Variants in RIMKLB observed in about 807,000 individuals in gnomAD.
RIMKLB encodes the protein beta-citrylglutamate synthase B.
RIMKLB carries 7 observed loss-of-function variants against 32.0 expected under a neutral mutation model. That is an observed-to-expected ratio of 0.22 (90% confidence interval 0.12 to 0.41). RIMKLB has a LOEUF of 0.41. Ranked by LOEUF, RIMKLB falls within the 10% of genes least tolerant of loss-of-function variation. RIMKLB has a pLI of 1.00. For missense variants in RIMKLB, 289 were observed against 498.7 expected, an observed-to-expected ratio of 0.58 and a Z score of 4.00; for synonymous variants, 172 against 185.1, an observed-to-expected ratio of 0.93 and a Z score of 0.57.
At chr12:8,723,895 A>C (rs1945725706) in intron 2 of RIMKLB, among the ~76,000 whole-genome samples, 1 of 144,516 alleles carries the variant, frequency 6.9e-6, no homozygotes. Flanking sequence ...GCTCACTGCA[A>C]CCTCTTGCCT....
At chr12:8,782,156 C>G (rs1311081290), downstream of RIMKLB, among the ~76,000 whole-genome samples, 6 of 151,774 alleles carry the variant, frequency 4.0e-5, no homozygotes, top group Admixed American at 2.0e-4. Flanking sequence ...GAGTTTTAAT[C>G]TGAATCAAAA....
intron 2 of RIMKLB, among the ~76,000 whole-genome samples, chr12:8,714,657 G>C (rs1245311149): frequency 6.6e-6 from 1 of 152,030 alleles, no homozygotes; most frequent in African/African-American, 2.4e-5. Flanking sequence ...TTTGTTTTGG[G>C]ATTGTAGGGG....
At chr12:8,719,990 G>A (rs1290452444) in intron 2 of RIMKLB, among the ~76,000 whole-genome samples, 1 of 152,154 alleles carries the variant, frequency 6.6e-6, no homozygotes, top group Non-Finnish European at 1.5e-5. Context: ...TTCATATTTG[G>A]GTTACTTGGG....
intron 2 of RIMKLB, among the ~76,000 whole-genome samples, chr12:8,717,165 A>G (rs2137017767): frequency 6.6e-6 from 1 of 151,500 alleles, no homozygotes; most frequent in African/African-American, 2.4e-5. Context: ...AGCCTCTTTC[A>G]CAGAATTAAG....
intron 2 of RIMKLB, among the ~76,000 whole-genome samples, chr12:8,737,390 T>C (rs1407667021): frequency 6.6e-6 from 1 of 152,122 alleles, no homozygotes; most frequent in Non-Finnish European, 1.5e-5. Context: ...GGTAAGAATA[T>C]CACATAAGTG....
chr12:8,680,047 T>A (rs576010885), upstream of RIMKLB, among the ~76,000 whole-genome samples: 26 of 152,304 alleles, frequency 1.7e-4, no homozygotes, highest in Admixed American at 1.3e-3. Context: ...GAGTGACCTC[T>A]GGTACTCCTC....
downstream of RIMKLB, chr12:8,777,246 TA>T (rs1322524799): frequency 3.2e-6 from 3 of 935,434 alleles, no homozygotes; most frequent in Admixed American, 6.5e-5. Flanking sequence ...TTTTTCTTCT[TA>T]AAAAAACAAA....
chr12:8,728,556 C>T (rs973801743), intron 2 of RIMKLB, among the ~76,000 whole-genome samples: 4 of 152,014 alleles, frequency 2.6e-5, no homozygotes, highest in Non-Finnish European at 5.9e-5. Flanking sequence ...TAGTAAAATC[C>T]CAGCAAGTTG....
upstream of RIMKLB, among the ~76,000 whole-genome samples, chr12:8,696,228 T>C (rs1942885584): frequency 6.6e-6 from 1 of 152,256 alleles, no homozygotes; most frequent in South Asian, 2.1e-4. Context: ...TTAGTATCTC[T>C]GTGCTCAAGC....
chr12:8,731,710 T>C (rs1177142029), intron 2 of RIMKLB, among the ~76,000 whole-genome samples: 1 of 152,222 alleles, frequency 6.6e-6, no homozygotes, highest in Non-Finnish European at 1.5e-5. Context: ...GCATCTTATA[T>C]ATGTAGAATA....
intron 2 of RIMKLB, among the ~76,000 whole-genome samples, chr12:8,717,631 C>T (rs962925766): frequency 6.6e-6 from 1 of 152,174 alleles, no homozygotes; most frequent in Non-Finnish European, 1.5e-5. Context: ...ATGTAAAAGG[C>T]TTGTCTGTTT....
chr12:8,723,982 A>AGTTTTGTTTTGTTTTGTTTT (rs75784732), intron 2 of RIMKLB, among the ~76,000 whole-genome samples: 47 of 150,938 alleles, frequency 3.1e-4, no homozygotes, highest in African/African-American at 1.1e-3. Context: ...TGCCTGGCTA[A>AGTTTTGTTTTGTTTTGTTTT]GTTTTGTTTT....
rs941784528 is a variant in RIMKLB, at chr12:8,774,956, A to G, written c.*1172A>G. The G allele has an allele frequency of 5.1e-6, 5 of 985,704 alleles. No individual in the cohort carries two copies. The Admixed American group carries it at 1.8e-4, about 36-fold the overall frequency. 61.1% of individuals were successfully genotyped at this position (985,704 alleles called of 1,614,324 possible). On this transcript the variant is annotated 3_prime_UTR_variant, in exon 6 of 6. Coordinates refer to ENST00000535829, the MANE Select transcript of RIMKLB (RefSeq NM_001297776.2). ...CTAATCAAAAAGGATAATTTAGAAA[A>G]TGGAGCATGATGGGAAACAGAGTTT... is the stretch of plus-strand genomic sequence containing the variant.
At chr12:8,781,170 A>G (rs1405279539), downstream of RIMKLB, among the ~76,000 whole-genome samples, 1 of 152,152 alleles carries the variant, frequency 6.6e-6, no homozygotes, top group Non-Finnish European at 1.5e-5. Context: ...GAGAAACCCC[A>G]TCTCTACTAA....
At chr12:8,781,284 G>GT (rs1265887360), downstream of RIMKLB, among the ~76,000 whole-genome samples, 2 of 152,230 alleles carry the variant, frequency 1.3e-5, no homozygotes, top group Admixed American at 6.5e-5. Context: ...AGAGGTTGCA[G>GT]TGAGTGGAGA....
At position 8,745,797 on chromosome 12, in the gene RIMKLB, T is replaced by G. The variant is rs148670998; in HGVS notation, c.176-4065T>G. On this transcript the variant is annotated intron_variant, in intron 2 of 5. Transcript: ENST00000535829. ...GCAACCTCTGCCTCGTAGGTACAAG[T>G]GATTCTCCTGCCTCCGCCTCTCAAG... 4.0e-4 allele frequency among the ~76,000 whole-genome samples: 60 copies of G among 149,372 alleles called. No individual in the cohort carries two copies. The East Asian group carries it at 0.012, about 29-fold the overall frequency.
intron 1 of RIMKLB, among the ~76,000 whole-genome samples, chr12:8,707,461 A>G (rs981358023): frequency 1.3e-5 from 2 of 152,114 alleles, no homozygotes; most frequent in African/African-American, 4.8e-5. Flanking sequence ...TGGGTGCGTC[A>G]CCCTCCAGGA....
chr12:8,749,732 C>T, intron 2 of RIMKLB, 130 bp from the exon 3 acceptor site: 1 of 633,212 alleles, frequency 1.6e-6, no homozygotes, highest in Non-Finnish European at 2.7e-6. Context: ...TTAGGAGTAT[C>T]TCTATCCCAA....
At chr12:8,765,918 C>CT in intron 5 of RIMKLB, among the ~76,000 whole-genome samples, 1 of 152,210 alleles carries the variant, frequency 6.6e-6, no homozygotes, top group South Asian at 2.1e-4. Context: ...CAAAAGAGGT[C>CT]TAGCTGTAAG....
Sources: allele counts gnomAD v4.1 joint callset (sites outside exome capture counted in the v4.1 genomes callset), GRCh38; gene constraint gnomAD v4.1.1; transcripts MANE v1.5; gene names NCBI Gene and HGNC (gene_info 2026-07-23, HGNC 2026-07-21).